Variants in MRO observed in about 807,000 individuals in gnomAD.
MRO encodes maestro.
A neutral mutation model predicts 31.0 loss-of-function variants in MRO; 28 were observed. The ratio of observed to expected loss-of-function variants is 0.90; its 90% confidence interval spans 0.67 to 1.24. The LOEUF (loss-of-function observed/expected upper bound fraction) is 1.24, where lower values mean the gene tolerates loss of function less well. MRO is among the 50% of genes most tolerant of loss of function. The probability of loss-of-function intolerance (pLI) is 0.00; values close to 1 mark genes in which losing one functional copy is unlikely to be tolerated. For synonymous variants in MRO, 108 were observed against 108.4 expected (o/e 1.00, Z 0.02); for missense variants, 332 against 289.2 (o/e 1.15, Z -1.07).
chr18:50,818,043 T>C (rs1370878908), intron 2 of MRO, among the ~76,000 whole-genome samples: 1 of 138,698 alleles, frequency 7.2e-6, no homozygotes, highest in Non-Finnish European at 1.5e-5. Flanking sequence ...CCCTCCTTTC[T>C]AAAACATGAA....
In MRO at chr18:50,806,751, T is replaced by C; in HGVS notation, c.199A>G (p.Met67Val). 5.0e-6 allele frequency: 8 copies of C among 1,614,176 alleles called. No homozygotes were observed. Among genetic ancestry groups the C allele is most frequent in the Non-Finnish European group, 6.8e-6 (8 of 1,180,042 alleles). The change falls in exon 4 of 8, where the codon ATG (methionine) becomes GTG (valine). Residue 67 changes from methionine (M) to valine (V), a missense_variant. Physicochemically the swap from Met to Val is conservative, Grantham distance 21. Transcript: ENST00000398439. ...ATGGTTCCCAAGTTTCTCATTGCCA[T>C]GTGACGCTTTTTAGCACTGGGGTCC... ...ARDPSAKKRH[M>V]AMRNLGTMAY...
intron 3 of MRO, among the ~76,000 whole-genome samples, chr18:50,808,379 A>G (rs1420331270): frequency 9.2e-5 from 14 of 152,034 alleles, no homozygotes; most frequent in Admixed American, 8.5e-4. Context: ...CAGTGGTGCT[A>G]TGGATGAGAT....
At chr18:50,807,830 C>G (rs911227134) in intron 3 of MRO, among the ~76,000 whole-genome samples, 5 of 152,244 alleles carry the variant, frequency 3.3e-5, no homozygotes, top group Non-Finnish European at 5.9e-5. Flanking sequence ...GTAATCCCAG[C>G]ACTTTGGGAG....
intron 2 of MRO, among the ~76,000 whole-genome samples, chr18:50,810,482 GA>G (rs1260718124): frequency 2.0e-5 from 3 of 152,160 alleles, no homozygotes; most frequent in African/African-American, 7.2e-5. Flanking sequence ...ATAGGAGAAG[GA>G]AAAATACACA....
intron 5 of MRO, among the ~76,000 whole-genome samples, chr18:50,802,898 T>G (rs866018210): frequency 4.5e-5 from 6 of 134,804 alleles, no homozygotes; most frequent in African/African-American, 1.8e-4. Context: ...TAGTGAGTGT[T>G]TGTGTATGTG....
rs547639590 is a variant in MRO at position 50,814,538 on chromosome 18, A to T, written c.-5+5043T>A. 3.0e-5 allele frequency: 6 copies of T among 197,452 alleles called. No individual in the cohort carries two copies. The East Asian group carries it at 8.1e-4, about 27-fold the overall frequency. The allele number at this position is 197,452 out of a possible 1,614,324, so 12.2% of individuals were successfully genotyped here. A position where few individuals can be genotyped will look rare whatever the true frequency, so the allele number is the denominator to read the frequency against. The stretch of plus-strand genomic sequence containing the variant: ...GTAAGGAGAAACTCCCAAACAAAAC[A>T]TCTCGGGGGCCTTGGTTTTGTGACT... On this transcript the variant is annotated intron_variant, in intron 2 of 7. Transcript: ENST00000398439.
upstream of MRO, among the ~76,000 whole-genome samples, chr18:50,822,470 C>T (rs1280028691): frequency 1.3e-5 from 2 of 152,050 alleles, no homozygotes; most frequent in African/African-American, 4.8e-5. Context: ...TACCGAGTAG[C>T]GGGACTACAG....
rs1309348387 is a variant in MRO at position 50,819,745 on chromosome 18, T to G, written c.-126-43A>C. The G allele has an allele frequency of 1.5e-5, 23 of 1,548,506 alleles. No individual in the cohort carries two copies. In the East Asian group the frequency reaches 4.6e-4, roughly 31 times the overall value. On this transcript the variant is annotated intron_variant, in intron 1 of 7. Transcript: ENST00000398439. ...AAATTAGGAGGTGACGCAGGGTCTG[T>G]CCAGGATAACGGGTCGGCACAGAGT...
In MRO at chr18:50,809,621, ATCTGCCC is replaced by A. The variant is rs555065702; in HGVS notation, c.-4-224_-4-218del. On this transcript the variant is annotated intron_variant, in intron 2 of 7. Transcript: ENST00000398439. Reference sequence around the variant, plus strand: ...AATAGCAGCTTGGGGGTCAAGGGGGATCTGCCCTCTAGTTCCCCACTCCATTCTGCAG... The same window carrying A: ...AATAGCAGCTTGGGGGTCAAGGGGGATCTAGTTCCCCACTCCATTCTGCAG... 3.7e-3 allele frequency among the ~76,000 whole-genome samples: 569 copies of A among 152,230 alleles called. 2 individuals are homozygous for A. The highest frequency in any genetic ancestry group is 6.4e-3 in the Non-Finnish European group (438 of 68,022).
intron 5 of MRO, among the ~76,000 whole-genome samples, chr18:50,804,713 T>C (rs1189529654): frequency 6.6e-6 from 1 of 152,204 alleles, no homozygotes; most frequent in Non-Finnish European, 1.5e-5. Flanking sequence ...TACTAGTCTC[T>C]CAACAAGATG....
intron 3 of MRO, among the ~76,000 whole-genome samples, chr18:50,807,576 A>G (rs1408344794): frequency 2.2e-5 from 3 of 138,628 alleles, no homozygotes; most frequent in Non-Finnish European, 4.9e-5. Context: ...TTTCAGGATT[A>G]ATCTAGTACA....
At position 50,806,984 on chromosome 18, in the gene MRO, G is replaced by T. The variant is rs566607149; in HGVS notation, c.100-134C>A. On this transcript the variant is annotated intron_variant, in intron 3 of 7. Transcript: ENST00000398439. Reference sequence around the variant, plus strand: ...ACCCCTTCTTTCTCCTACTAAAGACGGCTGGGTTTTGTTGGAAATGTACTC... The same window carrying T: ...ACCCCTTCTTTCTCCTACTAAAGACTGCTGGGTTTTGTTGGAAATGTACTC... 23 of 879,252 alleles carry T rather than the reference G, an allele frequency of 2.6e-5. 1 individual carries two copies. The highest frequency in any genetic ancestry group is 3.5e-5 in the Non-Finnish European group (20 of 571,760). 54.5% of individuals were successfully genotyped at this position (879,252 alleles called of 1,614,324 possible). A position where few individuals can be genotyped will look rare whatever the true frequency, so the allele number is the denominator to read the frequency against.
intron 4 of MRO, 119 bp from the exon 5 acceptor site, chr18:50,805,455 T>C (rs907881868): frequency 2.3e-5 from 17 of 755,360 alleles, no homozygotes; most frequent in East Asian, 1.3e-4. Flanking sequence ...CAGGGCTTTT[T>C]TCAAGATCTG....
intron 5 of MRO, among the ~76,000 whole-genome samples, chr18:50,803,939 G>A (rs1568127142): frequency 6.6e-6 from 1 of 152,242 alleles, no homozygotes; most frequent in Admixed American, 6.5e-5. Flanking sequence ...TGCAGTCAGG[G>A]TCTCTGACTC....
At chr18:50,802,948 A>T (rs2847534) in intron 5 of MRO, among the ~76,000 whole-genome samples, 121,154 of 150,790 alleles carry the variant, frequency 0.8, 48,852 homozygotes, top group South Asian at 0.91. Context: ...TGTGTTTAAC[A>T]AATTTTAATG....
intron 5 of MRO, among the ~76,000 whole-genome samples, chr18:50,802,879 T>C (rs1913495287): frequency 1.3e-5 from 2 of 150,224 alleles, no homozygotes; most frequent in Admixed American, 6.7e-5. Context: ...ATTATCTTCA[T>C]GGCTCTATTA....
intron 5 of MRO, among the ~76,000 whole-genome samples, chr18:50,802,725 T>G (rs1332780499): frequency 1.4e-4 from 22 of 152,064 alleles, no homozygotes; most frequent in Non-Finnish European, 2.9e-4. Context: ...TTTTTGTTTT[T>G]GTTTTTGTTT....
chr18:50,802,104 G>C (rs1913394302), intron 5 of MRO, among the ~76,000 whole-genome samples: 1 of 152,142 alleles, frequency 6.6e-6, no homozygotes, highest in Non-Finnish European at 1.5e-5. Flanking sequence ...ATACATAAAA[G>C]AGTTTTCATT....
intron 3 of MRO, among the ~76,000 whole-genome samples, chr18:50,808,409 A>G (rs373621673): frequency 7.2e-5 from 11 of 151,734 alleles, no homozygotes; most frequent in African/African-American, 2.4e-4. Context: ...TCAAAGCTTC[A>G]TTAGTATTCC....
Sources: gnomAD v4.1 joint callset for allele counts (sites outside exome capture counted in the v4.1 genomes callset) on GRCh38, gnomAD v4.1.1 for gene constraint, MANE v1.5 for transcripts, NCBI Gene and HGNC (gene_info 2026-07-23, HGNC 2026-07-21) for gene names.